Variants in ARHGAP32 observed in about 807,000 individuals in gnomAD.
The protein encoded by ARHGAP32 is Rho GTPase activating protein 32, also known as rho GTPase-activating protein 32.
ARHGAP32 carries 51 observed loss-of-function variants against 186.5 expected under a neutral mutation model. The observed-to-expected ratio is 0.27, with a 90% CI of 0.22 to 0.35. The LOEUF (loss-of-function observed/expected upper bound fraction) is 0.35. Ranked by LOEUF, ARHGAP32 falls within the 10% of genes least tolerant of loss-of-function variation. ARHGAP32 has a pLI of 1.00. For missense variants in ARHGAP32, 2,186 were observed against 2,623.5 expected, an observed-to-expected ratio of 0.83 and a Z score of 3.64; for synonymous variants, 950 against 964.3, an observed-to-expected ratio of 0.99 and a Z score of 0.27.
chr11:129,034,179 C>G (rs1939228828), intron 11 of ARHGAP32, among the ~76,000 whole-genome samples: 1 of 152,146 alleles, frequency 6.6e-6, no homozygotes, highest in Admixed American at 6.5e-5. Context: ...TTTTGTTCCC[C>G]TAGCACTATG....
intron 10 of ARHGAP32, among the ~76,000 whole-genome samples, chr11:129,042,214 A>G (rs1281203702): frequency 6.6e-6 from 1 of 152,104 alleles, no homozygotes; most frequent in East Asian, 1.9e-4. Flanking sequence ...GCAGTGGCAC[A>G]ATCTAGGCTC....
intron 2 of ARHGAP32, among the ~76,000 whole-genome samples, chr11:129,152,924 T>A (rs1329374047): frequency 6.6e-6 from 1 of 152,068 alleles, no homozygotes; most frequent in East Asian, 1.9e-4. Flanking sequence ...GGTGTCCAAA[T>A]CAGTAAAGAG....
intron 17 of ARHGAP32, 135 bp from the exon 18 acceptor site, chr11:128,980,883 T>C (rs548580475): frequency 1.8e-4 from 112 of 613,140 alleles, no homozygotes; most frequent in African/African-American, 1.8e-3. Context: ...GCAAAAACCA[T>C]AGTGCTTTAT....
chr11:129,023,216 C>T (rs139906904), intron 11 of ARHGAP32, among the ~76,000 whole-genome samples: 5 of 152,172 alleles, frequency 3.3e-5, no homozygotes, highest in East Asian at 1.9e-4. Flanking sequence ...CATATACATA[C>T]GGAACACCAC....
At position 129,063,972 on chromosome 11, in the gene ARHGAP32, G is replaced by C; in HGVS notation, c.815C>G (p.Thr272Ser). Residue 272 changes from threonine (T) to serine (S), a missense_variant, in exon 9 of 23, where the codon ACT becomes AGT. Physicochemically the swap from Thr to Ser is moderately conservative, Grantham distance 58. Coordinates refer to ENST00000682385, the MANE Select transcript of ARHGAP32 (RefSeq NM_001378024.1). ...LLVHEESSIN[T>S]PAVGAAHVIK... is the part of the protein sequence containing the mutation. ...AACATGGGCAGCACCGACAGCAGGA[G>C]TGTTGATGGATGACTCCTCATGAAC... is the stretch of plus-strand genomic sequence containing the variant. The C allele has an allele frequency of 6.2e-7, 1 of 1,612,794 alleles. No homozygotes were observed. Among genetic ancestry groups the C allele is most frequent in the Non-Finnish European group, 8.5e-7 (1 of 1,179,192 alleles).
In ARHGAP32 at chr11:128,967,905, C is replaced by G. The variant is rs1044867429; in HGVS notation, c.*1002G>C. 1.4e-5 allele frequency: 2 copies of G among 147,714 alleles called. No homozygotes were observed. Among genetic ancestry groups the G allele is most frequent in the Non-Finnish European group, 3.0e-5 (2 of 67,414 alleles). 9.2% of individuals were successfully genotyped at this position (147,714 alleles called of 1,614,324 possible). ...TTCATAATAAATTATGCGTGTCTAT[C>G]CAGTCAAACCATGCTGGGCTTTTTT... On this transcript the variant is annotated 3_prime_UTR_variant, in exon 23 of 23. Transcript: ENST00000682385.
chr11:129,137,974 T>G (rs1942970425), intron 2 of ARHGAP32, among the ~76,000 whole-genome samples: 1 of 152,060 alleles, frequency 6.6e-6, no homozygotes, highest in Non-Finnish European at 1.5e-5. Context: ...CAGGGCTTTT[T>G]TATTCTTTTC....
chr11:129,279,165 G>A (rs1945577047), exon 1 of ARHGAP32: 1 of 145,016 alleles, frequency 6.9e-6, no homozygotes, highest in Non-Finnish European at 1.5e-5. Context: ...CGGCCCCGCC[G>A]CGCCGCCGCG....
chr11:129,278,264 C>T (rs4937407), intron 1 of ARHGAP32, among the ~76,000 whole-genome samples: 49,912 of 152,066 alleles, frequency 0.33, 8,431 homozygotes, highest in South Asian at 0.43. Flanking sequence ...ACGCAGTGCC[C>T]CAAGCATTTT....
At position 128,980,882 on chromosome 11, in the gene ARHGAP32, AT is replaced by A. The variant is rs1487365874; in HGVS notation, c.1781-135del. ...TCAAGTATGTTAAATAGCAAAAACC[AT>A]AGTGCTTTATATTAAATGAAAAACT... is the stretch of plus-strand genomic sequence containing the variant. On this transcript the variant is annotated intron_variant, in intron 17 of 22. Coordinates refer to ENST00000682385, the MANE Select transcript of ARHGAP32 (RefSeq NM_001378024.1). The A allele has an allele frequency of 1.8e-5, 11 of 614,712 alleles. No homozygotes were observed. In the Admixed American group the frequency reaches 3.7e-4, roughly 21 times the overall value. The allele number at this position is 614,712 out of a possible 1,614,324, so 38.1% of individuals were successfully genotyped here.
intron 2 of ARHGAP32, among the ~76,000 whole-genome samples, chr11:129,138,740 A>C (rs1942988794): frequency 1.3e-5 from 2 of 152,172 alleles, no homozygotes; most frequent in African/African-American, 4.8e-5. Context: ...CTTTCAAAAC[A>C]CTATAAACTC....
chr11:129,181,699 A>G (rs1944056942), intron 1 of ARHGAP32, among the ~76,000 whole-genome samples: 1 of 152,198 alleles, frequency 6.6e-6, no homozygotes, highest in Admixed American at 6.6e-5. Flanking sequence ...ACTATGGAAC[A>G]GAGGTTTGCT....
At chr11:129,054,080 G>A (rs1940158157) in intron 10 of ARHGAP32, among the ~76,000 whole-genome samples, 1 of 151,554 alleles carries the variant, frequency 6.6e-6, no homozygotes, top group Non-Finnish European at 1.5e-5. Context: ...AAAAAAAACT[G>A]TGCTGTCCAA....
At chr11:129,227,781 A>G (rs373649543) in intron 1 of ARHGAP32, among the ~76,000 whole-genome samples, 4 of 152,290 alleles carry the variant, frequency 2.6e-5, no homozygotes, top group African/African-American at 7.2e-5. Flanking sequence ...CAAATAGACA[A>G]TGCAACAATA....
chr11:128,991,066 A>AT (rs1003475188), intron 12 of ARHGAP32, among the ~76,000 whole-genome samples: 2 of 149,122 alleles, frequency 1.3e-5, no homozygotes, highest in African/African-American at 4.8e-5. Flanking sequence ...GCTACCATTT[A>AT]TAAAAAAAAG....
At chr11:128,973,974 G>T in intron 21 of ARHGAP32, 150 bp downstream of exon 21, 1 of 905,694 alleles carries the variant, frequency 1.1e-6, no homozygotes, top group South Asian at 1.7e-5. Flanking sequence ...TTTTAATTTA[G>T]GGCTCTGAGC....
At chr11:129,093,091 T>C (rs976391093) in intron 6 of ARHGAP32, among the ~76,000 whole-genome samples, 4 of 152,024 alleles carry the variant, frequency 2.6e-5, no homozygotes, top group African/African-American at 9.7e-5. Context: ...AACATGCACA[T>C]ATCCTATTGT....
At chr11:129,223,668 C>T (rs536740586) in intron 1 of ARHGAP32, among the ~76,000 whole-genome samples, 2 of 152,208 alleles carry the variant, frequency 1.3e-5, no homozygotes, top group South Asian at 4.1e-4. Context: ...AATTTAAATA[C>T]CAAATATTCA....
chr11:129,193,534 ATATATAT>A (rs1944312564), upstream of ARHGAP32, among the ~76,000 whole-genome samples: 1 of 37,390 alleles, frequency 2.7e-5, no homozygotes, highest in Non-Finnish European at 5.0e-5. Context: ...AGCATATAAT[ATATATAT>A]TATATATAAT....
Sources: gnomAD v4.1 joint callset for allele counts (sites outside exome capture counted in the v4.1 genomes callset) on GRCh38, gnomAD v4.1.1 for gene constraint, MANE v1.5 for transcripts, NCBI Gene and HGNC (gene_info 2026-07-23, HGNC 2026-07-21) for gene names.